PDZRN4: variants seen among roughly 807,000 people sequenced by gnomAD.
PDZRN4 encodes the protein PDZ domain containing ring finger 4.
PDZRN4 carries 70 observed loss-of-function variants against 99.0 expected under a neutral mutation model. That is an observed-to-expected ratio of 0.71 (90% confidence interval 0.58 to 0.86). PDZRN4 has a LOEUF of 0.86. PDZRN4 is among the 40% of genes least tolerant of loss of function. The pLI is 0.00. For missense variants in PDZRN4, 1,474 were observed against 1,331.2 expected, an observed-to-expected ratio of 1.11 and a Z score of -1.67; for synonymous variants, 551 against 501.6, an observed-to-expected ratio of 1.10 and a Z score of -1.32.
intron 3 of PDZRN4, among the ~76,000 whole-genome samples, chr12:41,291,917 GGAACCCTGA>G (rs1281248846): frequency 6.6e-6 from 1 of 151,998 alleles, no homozygotes; most frequent in Admixed American, 6.6e-5. Flanking sequence ...TCTCAGCACA[GGAACCCTGA>G]GTACCAAACT....
intron 7 of PDZRN4, among the ~76,000 whole-genome samples, chr12:41,562,147 G>A (rs1939281275): frequency 6.6e-6 from 1 of 152,108 alleles, no homozygotes; most frequent in Non-Finnish European, 1.5e-5. Flanking sequence ...TTTCCTTTCT[G>A]TGTATACAAG....
chr12:41,283,503 T>C (rs981778942), intron 3 of PDZRN4, among the ~76,000 whole-genome samples: 1 of 152,162 alleles, frequency 6.6e-6, no homozygotes, highest in Non-Finnish European at 1.5e-5. Context: ...CCTCCCTAAC[T>C]CATTTGATGA....
At chr12:41,254,988 G>A (rs1212997754) in intron 3 of PDZRN4, among the ~76,000 whole-genome samples, 2 of 152,208 alleles carry the variant, frequency 1.3e-5, no homozygotes, top group Non-Finnish European at 2.9e-5. Flanking sequence ...GCTGAAGTGG[G>A]AGGATTGCTT....
At chr12:41,443,391 A>T (rs1952698008) in intron 3 of PDZRN4, among the ~76,000 whole-genome samples, 1 of 152,118 alleles carries the variant, frequency 6.6e-6, no homozygotes, top group African/African-American at 2.4e-5. Flanking sequence ...GGAGTTGGAA[A>T]CTATAAGCAA....
intron 3 of PDZRN4, among the ~76,000 whole-genome samples, chr12:41,402,148 C>G (rs1274370618): frequency 4.9e-5 from 4 of 81,786 alleles, no homozygotes; most frequent in African/African-American, 2.8e-4. Context: ...TATACACACA[C>G]TGAGTATATA....
At chr12:41,524,089 A>G (rs1938532060) in intron 5 of PDZRN4, among the ~76,000 whole-genome samples, 1 of 152,184 alleles carries the variant, frequency 6.6e-6, no homozygotes, top group South Asian at 2.1e-4. Context: ...AAAGGAAATT[A>G]AGAAAACAAT....
At chr12:41,380,220 A>C (rs565468068) in intron 3 of PDZRN4, among the ~76,000 whole-genome samples, 1 of 151,986 alleles carries the variant, frequency 6.6e-6, no homozygotes, top group South Asian at 2.1e-4. Context: ...TCACTGTTAG[A>C]CTATTTGTGT....
chr12:41,334,466 C>G (rs1476456892), intron 3 of PDZRN4, among the ~76,000 whole-genome samples: 1 of 151,778 alleles, frequency 6.6e-6, no homozygotes, highest in African/African-American at 2.4e-5. Flanking sequence ...GATTAGTTTG[C>G]TGAGATCCTT....
At chr12:41,557,092 A>G (rs1257366863) in intron 7 of PDZRN4, among the ~76,000 whole-genome samples, 2 of 142,956 alleles carry the variant, frequency 1.4e-5, no homozygotes, top group Non-Finnish European at 1.5e-5. Context: ...CAGAGGTTGC[A>G]GTGAGCCGAG....
rs148827530 is a variant in PDZRN4 at position 41,479,225 on chromosome 12, T to C, written c.844-27231T>C. Reference sequence around the variant, plus strand: ...GATGTGGGTATCTGTTTTTTATTGATAGAAAGAAAAGCTGACATCCTCTTG... The same window carrying C: ...GATGTGGGTATCTGTTTTTTATTGACAGAAAGAAAAGCTGACATCCTCTTG... On this transcript the variant is annotated intron_variant, in intron 3 of 9. Transcript: ENST00000402685. 7.0e-3 allele frequency among the ~76,000 whole-genome samples: 1,061 copies of C among 152,284 alleles called. 14 individuals are homozygous for C. Among genetic ancestry groups the C allele is most frequent in the African/African-American group, 0.025 (1,021 of 41,568 alleles).
At chr12:41,537,254 G>T (rs149191103) in intron 5 of PDZRN4, among the ~76,000 whole-genome samples, 227 of 152,290 alleles carry the variant, frequency 1.5e-3, no homozygotes, top group South Asian at 6.0e-3. Context: ...AAAGAAGACT[G>T]TGGTAAACAC....
At chr12:41,501,419 C>T (rs773468034) in intron 3 of PDZRN4, among the ~76,000 whole-genome samples, 3 of 152,156 alleles carry the variant, frequency 2.0e-5, no homozygotes, top group Non-Finnish European at 4.4e-5. Flanking sequence ...AAGCTGAGGC[C>T]ACTAGGCACT....
chr12:41,468,973 C>G (rs1307223661), intron 3 of PDZRN4, among the ~76,000 whole-genome samples: 1 of 151,334 alleles, frequency 6.6e-6, no homozygotes, highest in Non-Finnish European at 1.5e-5. Context: ...TGCGCCACTT[C>G]ACTCTAGCCT....
intron 3 of PDZRN4, among the ~76,000 whole-genome samples, chr12:41,456,963 A>C (rs997129009): frequency 3.9e-5 from 6 of 152,208 alleles, no homozygotes; most frequent in Non-Finnish European, 5.9e-5. Flanking sequence ...GTTTGCAGCC[A>C]TAGTGTGTGG....
chr12:41,191,885 C>T (rs1950738070), intron 2 of PDZRN4, among the ~76,000 whole-genome samples: 1 of 151,852 alleles, frequency 6.6e-6, no homozygotes, highest in Admixed American at 6.6e-5. Flanking sequence ...TGGGTTCAAG[C>T]AATTCTCCTG....
chr12:41,563,046 C>T (rs930617163), intron 7 of PDZRN4, among the ~76,000 whole-genome samples: 1 of 152,194 alleles, frequency 6.6e-6, no homozygotes, highest in African/African-American at 2.4e-5. Context: ...GTCAGACCCA[C>T]ACGCAAATAT....
intron 1 of PDZRN4, 94 bp downstream of exon 1, chr12:41,189,197 G>T (rs1950719192): frequency 8.3e-7 from 1 of 1,208,720 alleles, no homozygotes; most frequent in Non-Finnish European, 1.2e-6. Context: ...TTGGAATTGG[G>T]CATCCTTCCT....
chr12:41,365,368 G>GT (rs923422445), intron 3 of PDZRN4, among the ~76,000 whole-genome samples: 17 of 151,094 alleles, frequency 1.1e-4, no homozygotes, highest in South Asian at 2.1e-4. Context: ...TATAATGTGT[G>GT]TTTTTTTTTA....
chr12:41,507,556 A>G (rs1284258765), intron 4 of PDZRN4, among the ~76,000 whole-genome samples: 1 of 152,138 alleles, frequency 6.6e-6, no homozygotes, highest in African/African-American at 2.4e-5. Context: ...GGCTCCCATA[A>G]GCCCGTTTCA....
Sources: gnomAD v4.1 joint callset for allele counts (sites outside exome capture counted in the v4.1 genomes callset) on GRCh38, gnomAD v4.1.1 for gene constraint, MANE v1.5 for transcripts, NCBI Gene and HGNC (gene_info 2026-07-23, HGNC 2026-07-21) for gene names.